The following LRRC4C variants were observed in gnomAD, a reference collection of about 807,000 sequenced individuals.
LRRC4C encodes the protein leucine-rich repeat-containing protein 4C.
A neutral mutation model predicts 33.6 loss-of-function variants in LRRC4C; 5 were observed. The observed-to-expected ratio is 0.15, with a 90% CI of 0.08 to 0.31. LRRC4C has a LOEUF of 0.31. Ranked by LOEUF, LRRC4C falls within the 10% of genes least tolerant of loss-of-function variation. LRRC4C has a pLI of 1.00. For synonymous variants in LRRC4C, 329 were observed against 302.0 expected, an observed-to-expected ratio of 1.09 and a Z score of -0.93; for missense variants, 560 against 796.7, an observed-to-expected ratio of 0.70 and a Z score of 3.58.
At chr11:40,822,902 T>C (rs1455051890) in intron 2 of LRRC4C, among the ~76,000 whole-genome samples, 1 of 151,738 alleles carries the variant, frequency 6.6e-6, no homozygotes, top group African/African-American at 2.4e-5. Flanking sequence ...ATCTATCCAG[T>C]TTTCCCAGCA....
intron 1 of LRRC4C, among the ~76,000 whole-genome samples, chr11:41,166,381 T>C (rs1944729517): frequency 6.6e-6 from 1 of 152,210 alleles, no homozygotes; most frequent in African/African-American, 2.4e-5. Context: ...TAATTGTTAC[T>C]GCTTACTCTA....
intron 1 of LRRC4C, among the ~76,000 whole-genome samples, chr11:41,165,470 C>T (rs746689009): frequency 2.0e-5 from 3 of 152,060 alleles, no homozygotes; most frequent in Non-Finnish European, 2.9e-5. Context: ...CAGTATATTA[C>T]ACACACCATC....
At chr11:40,683,567 G>A (rs1282317773) in intron 2 of LRRC4C, among the ~76,000 whole-genome samples, 1 of 152,098 alleles carries the variant, frequency 6.6e-6, no homozygotes, top group Non-Finnish European at 1.5e-5. Flanking sequence ...AGGTGACAGA[G>A]GAAAAAGGAG....
intron 3 of LRRC4C, among the ~76,000 whole-genome samples, chr11:40,478,865 G>A (rs531565964): frequency 2.6e-5 from 4 of 152,202 alleles, no homozygotes; most frequent in African/African-American, 7.2e-5. Flanking sequence ...TGCATTAGGA[G>A]GTTTTTGAAA....
intron 2 of LRRC4C, among the ~76,000 whole-genome samples, chr11:40,774,712 T>C (rs1032063189): frequency 5.3e-5 from 8 of 152,186 alleles, no homozygotes; most frequent in African/African-American, 1.9e-4. Flanking sequence ...AACTTTATAT[T>C]GGAAAAAAAT....
chr11:41,245,109 T>C (rs1263793323), intron 1 of LRRC4C, among the ~76,000 whole-genome samples: 1 of 152,176 alleles, frequency 6.6e-6, no homozygotes, highest in African/African-American at 2.4e-5. Context: ...TTCTTATCTG[T>C]AAAATAAGAA....
chr11:40,223,916 G>T (rs924278528), intron 5 of LRRC4C, among the ~76,000 whole-genome samples: 2 of 151,932 alleles, frequency 1.3e-5, no homozygotes, highest in Non-Finnish European at 2.9e-5. Flanking sequence ...CAATAGTTTT[G>T]TTTCTACTGC....
rs577953159 is a variant in LRRC4C at position 41,392,790 on chromosome 11, A to C, written c.-496+66641T>G. On this transcript the variant is annotated intron_variant, in intron 1 of 6. Transcript: ENST00000528697. ...ATGTAGCTGTAAGCCAAGGAATCCCAAGAATTTCTGGGAACTGCTAGTGGC... is the reference window on the plus strand; with the variant it reads ...ATGTAGCTGTAAGCCAAGGAATCCCCAGAATTTCTGGGAACTGCTAGTGGC... Among the ~76,000 whole-genome samples the C allele has an allele frequency of 2.0e-5, 3 of 151,972 alleles. No homozygotes were observed. The South Asian group carries it at 6.2e-4, about 31-fold the overall frequency.
intron 3 of LRRC4C, among the ~76,000 whole-genome samples, chr11:40,511,404 T>G (rs1402094064): frequency 6.6e-6 from 1 of 152,128 alleles, no homozygotes; most frequent in East Asian, 1.9e-4. Context: ...GGCCATGAGA[T>G]GCAAAAGATA....
At chr11:41,217,617 A>G (rs920904444) in intron 1 of LRRC4C, among the ~76,000 whole-genome samples, 1 of 152,166 alleles carries the variant, frequency 6.6e-6, no homozygotes, top group African/African-American at 2.4e-5. Context: ...TGACTTAGCT[A>G]TAAGAATCTT....
At chr11:40,337,339 T>G (rs1946674117) in intron 3 of LRRC4C, among the ~76,000 whole-genome samples, 1 of 152,186 alleles carries the variant, frequency 6.6e-6, no homozygotes, top group East Asian at 1.9e-4. Flanking sequence ...TGCAATGTAA[T>G]TTACATTTTT....
intron 1 of LRRC4C, among the ~76,000 whole-genome samples, chr11:41,117,665 G>A (rs1290506918): frequency 6.6e-6 from 1 of 152,058 alleles, no homozygotes; most frequent in Non-Finnish European, 1.5e-5. Flanking sequence ...CAGGTTGTAG[G>A]ATATCGTGTT....
intron 1 of LRRC4C, among the ~76,000 whole-genome samples, chr11:41,087,181 CTA>C (rs1940060062): frequency 6.6e-6 from 1 of 152,124 alleles, no homozygotes; most frequent in Non-Finnish European, 1.5e-5. Context: ...CTGAATCTCT[CTA>C]TGAAATATCA....
At chr11:40,509,596 T>G (rs941934627) in intron 3 of LRRC4C, among the ~76,000 whole-genome samples, 1 of 152,130 alleles carries the variant, frequency 6.6e-6, no homozygotes, top group African/African-American at 2.4e-5. Context: ...CGGGACTGCC[T>G]TCTTTAGTGC....
chr11:40,772,178 C>A (rs556304196), intron 2 of LRRC4C, among the ~76,000 whole-genome samples: 1 of 152,256 alleles, frequency 6.6e-6, no homozygotes, highest in East Asian at 1.9e-4. Flanking sequence ...AGGAAACTTA[C>A]AATCATGATG....
At chr11:40,188,525 C>A (rs984254679) in intron 5 of LRRC4C, among the ~76,000 whole-genome samples, 1 of 152,162 alleles carries the variant, frequency 6.6e-6, no homozygotes. Context: ...TTCTACCTTG[C>A]ATGTTTCTAC....
intron 1 of LRRC4C, among the ~76,000 whole-genome samples, chr11:41,042,202 T>C (rs372977298): frequency 9.9e-5 from 15 of 152,136 alleles, no homozygotes; most frequent in East Asian, 7.7e-4. Context: ...ACCTGTTGGG[T>C]TTCTGAAATA....
chr11:40,914,224 T>G (rs559385469), intron 2 of LRRC4C, among the ~76,000 whole-genome samples: 79 of 151,910 alleles, frequency 5.2e-4, no homozygotes, highest in Middle Eastern at 3.4e-3. Context: ...TGATACCAAA[T>G]CCTGGCAGAG....
chr11:40,880,161 T>C (rs1955097531), intron 2 of LRRC4C, among the ~76,000 whole-genome samples: 1 of 152,042 alleles, frequency 6.6e-6, no homozygotes, highest in South Asian at 2.1e-4. Flanking sequence ...CTGCCAGACC[T>C]GAGAGGGGGG....
Sources: allele counts gnomAD v4.1 joint callset (sites outside exome capture counted in the v4.1 genomes callset), GRCh38; gene constraint gnomAD v4.1.1; transcripts MANE v1.5; gene names NCBI Gene and HGNC (gene_info 2026-07-23, HGNC 2026-07-21).